Variants in RIMBP2 observed in about 807,000 individuals in gnomAD.
The protein encoded by RIMBP2 is RIMS binding protein 2.
A neutral mutation model predicts 118.6 loss-of-function variants in RIMBP2; 48 were observed. That is an observed-to-expected ratio of 0.40 (90% CI 0.32 to 0.51). The LOEUF (loss-of-function observed/expected upper bound fraction) is 0.51. Among genes scored for constraint, RIMBP2 ranks in the 20% least tolerant of loss-of-function variants. RIMBP2 has a pLI of 0.41. For synonymous variants in RIMBP2, 762 were observed against 742.9 expected, an observed-to-expected ratio of 1.03 and a Z score of -0.42; for missense variants, 1,551 against 1,768.3, an observed-to-expected ratio of 0.88 and a Z score of 2.20.
chr12:130,558,582 T>C (rs1340169019), intron 2 of RIMBP2, among the ~76,000 whole-genome samples: 2 of 152,062 alleles, frequency 1.3e-5, no homozygotes, highest in African/African-American at 4.8e-5. Flanking sequence ...GGCACGCTGT[T>C]AGGTCAGCAG....
At chr12:130,485,536 G>A (rs530537905) in intron 4 of RIMBP2, among the ~76,000 whole-genome samples, 6 of 152,400 alleles carry the variant, frequency 3.9e-5, no homozygotes, top group African/African-American at 1.2e-4. Context: ...CTGGGTGGCC[G>A]ATTGTGCAGC....
At chr12:130,579,821 G>A (rs549710111) in intron 2 of RIMBP2, among the ~76,000 whole-genome samples, 1 of 151,994 alleles carries the variant, frequency 6.6e-6, no homozygotes, top group African/African-American at 2.4e-5. Context: ...ACAGTTCCCT[G>A]GCCACAATAT....
Position 130,672,238 on chromosome 12 carries a change from G to A in RIMBP2, c.-351-43782C>T, listed in dbSNP as rs574661000. Among the ~76,000 whole-genome samples, 6 of 152,308 alleles carry A rather than the reference G, an allele frequency of 3.9e-5. No homozygotes were observed. In the East Asian group the frequency reaches 7.7e-4, roughly 20 times the overall value. On this transcript the variant is annotated intron_variant, in intron 1 of 22. Coordinates refer to ENST00000690449, the MANE Select transcript of RIMBP2 (RefSeq NM_001393629.1). Reference sequence around the variant, plus strand: ...AATTCTAAGGAAATTTCCACAGATGGAGACAAAGATAAATATGTGCTCTTG... The same window carrying A: ...AATTCTAAGGAAATTTCCACAGATGAAGACAAAGATAAATATGTGCTCTTG...
intron 2 of RIMBP2, among the ~76,000 whole-genome samples, chr12:130,561,166 C>G (rs2056793640): frequency 6.6e-6 from 1 of 152,166 alleles, no homozygotes; most frequent in Admixed American, 6.5e-5. Context: ...CCTCACACCC[C>G]TTAGAAAAAG....
intron 7 of RIMBP2, among the ~76,000 whole-genome samples, chr12:130,455,564 A>G (rs1446008488): frequency 2.0e-5 from 3 of 152,120 alleles, no homozygotes; most frequent in Non-Finnish European, 2.9e-5. Context: ...CGTGGACCAA[A>G]AGGGAAGGGC....
At position 130,414,115 on chromosome 12, in the gene RIMBP2, C is replaced by T. The variant is rs776172375; in HGVS notation, c.3420+10G>A. On this transcript the variant is annotated intron_variant, in intron 18 of 22. Transcript: ENST00000690449. ...GCTGATGAAGCCGCCCGCAGGCAGC[C>T]ATCCCGCACCTTGATGATCTGGCCT... The T allele has an allele frequency of 6.2e-7, 1 of 1,613,970 alleles. No individual in the cohort carries two copies. The highest frequency in any genetic ancestry group is 8.5e-7 in the Non-Finnish European group (1 of 1,179,980).
chr12:130,438,335 A>ACCGGGGGGGGGGG, intron 12 of RIMBP2, 30 bp downstream of exon 12: 2 of 865,014 alleles, frequency 2.3e-6, no homozygotes, highest in Non-Finnish European at 1.9e-6. Flanking sequence ...GGCCTAACAA[A>ACCGGGGGGGGGGG]CCCTCCCCAC....
At chr12:130,634,004 T>C (rs1403126852) in intron 1 of RIMBP2, 1 of 152,240 alleles carries the variant, frequency 6.6e-6, no homozygotes, top group East Asian at 1.9e-4. Context: ...AATAGGATGG[T>C]AATTCAATCT....
Position 130,434,559 on chromosome 12 carries a change from G to A in RIMBP2, c.2253+175C>T, listed in dbSNP as rs2077368196. On this transcript the variant is annotated intron_variant, in intron 14 of 22. Transcript: ENST00000690449. This position sits in a 1 kb window ranked among gnomAD's most constrained non-coding sequence, Gnocchi z 5.7. Reference sequence around the variant, plus strand: ...TATCCCCAATGAGGGTATGTGACAGGCATTAAATATAAACTTCAGAAACCT... The same window carrying A: ...TATCCCCAATGAGGGTATGTGACAGACATTAAATATAAACTTCAGAAACCT... Among the ~76,000 whole-genome samples the A allele has an allele frequency of 6.6e-6, 1 of 152,168 alleles. No individual in the cohort carries two copies. The highest frequency in any genetic ancestry group is 1.5e-5 in the Non-Finnish European group (1 of 68,036).
At chr12:130,487,842 G>A (rs976922736) in intron 4 of RIMBP2, among the ~76,000 whole-genome samples, 1 of 152,046 alleles carries the variant, frequency 6.6e-6, no homozygotes, top group East Asian at 1.9e-4. Context: ...CAGCAAAGGT[G>A]AGGCCTCTCG....
intron 2 of RIMBP2, among the ~76,000 whole-genome samples, chr12:130,589,517 G>C (rs529868094): frequency 6.6e-6 from 1 of 152,116 alleles, no homozygotes; most frequent in Non-Finnish European, 1.5e-5. Flanking sequence ...CGAGATGAAG[G>C]CTATGGCTTC....
chr12:130,715,319 A>G (rs1950253005), intron 1 of RIMBP2, among the ~76,000 whole-genome samples: 2 of 152,136 alleles, frequency 1.3e-5, no homozygotes, highest in African/African-American at 4.8e-5. Flanking sequence ...CCCCGGGGCC[A>G]GTGACCAGGC....
intron 1 of RIMBP2, among the ~76,000 whole-genome samples, chr12:130,705,906 C>A (rs1316098413): frequency 2.0e-5 from 3 of 152,252 alleles, no homozygotes; most frequent in Non-Finnish European, 4.4e-5. Context: ...GTGTCTCCCT[C>A]CTACCGTGAC....
At chr12:130,630,448 T>C (rs548816620) in intron 1 of RIMBP2, among the ~76,000 whole-genome samples, 2 of 152,280 alleles carry the variant, frequency 1.3e-5, no homozygotes, top group South Asian at 4.1e-4. Flanking sequence ...TAGACCTTCA[T>C]GTTGACATAA....
intron 5 of RIMBP2, among the ~76,000 whole-genome samples, chr12:130,472,600 T>C (rs936147961): frequency 5.9e-5 from 9 of 152,260 alleles, no homozygotes; most frequent in African/African-American, 1.9e-4. Context: ...TCTAGCTGCC[T>C]GGAGAATAAT....
intron 2 of RIMBP2, among the ~76,000 whole-genome samples, chr12:130,583,506 TACC>T (rs2058612662): frequency 1.8e-5 from 2 of 110,102 alleles, no homozygotes; most frequent in South Asian, 3.4e-4. Context: ...TCATCACCAT[TACC>T]ACCATTACAT....
intron 2 of RIMBP2, among the ~76,000 whole-genome samples, chr12:130,558,521 C>T (rs933250500): frequency 6.6e-6 from 1 of 152,064 alleles, no homozygotes; most frequent in Admixed American, 6.6e-5. Context: ...GCTAAGGGTA[C>T]GTCAGCAGCC....
chr12:130,712,250 C>T (rs1818678518), intron 1 of RIMBP2, among the ~76,000 whole-genome samples: 1 of 152,202 alleles, frequency 6.6e-6, no homozygotes, highest in African/African-American at 2.4e-5. Flanking sequence ...CCTCAGCTTA[C>T]TTCGTTGCCT....
intron 19 of RIMBP2, among the ~76,000 whole-genome samples, chr12:130,410,694 T>A (rs1223061594): frequency 6.6e-6 from 1 of 152,214 alleles, no homozygotes; most frequent in Non-Finnish European, 1.5e-5. Context: ...TTTCTGGACT[T>A]CATTCTGCCC....
Sources: allele counts gnomAD v4.1 joint callset (sites outside exome capture counted in the v4.1 genomes callset), GRCh38; gene constraint gnomAD v4.1.1; non-coding constraint Gnocchi (gnomAD v3.1); transcripts MANE v1.5; gene names NCBI Gene and HGNC (gene_info 2026-07-23, HGNC 2026-07-21).